Variants in CNTNAP5 observed in about 807,000 individuals in gnomAD.
The protein encoded by CNTNAP5 is contactin-associated protein-like 5.
In CNTNAP5, 72 loss-of-function variants were observed where a neutral mutation model predicts 150.2. The observed-to-expected ratio is 0.48, with a 90% confidence interval of 0.40 to 0.58. The LOEUF is 0.58. Among genes scored for constraint, CNTNAP5 ranks in the 20% least tolerant of loss-of-function variants. The pLI is 0.00. For synonymous variants in CNTNAP5, 672 were observed against 619.8 expected, an observed-to-expected ratio of 1.08 and a Z score of -1.25; for missense variants, 1,636 against 1,626.2, an observed-to-expected ratio of 1.01 and a Z score of -0.10.
chr2:124,115,375 T>A (rs967477327), intron 1 of CNTNAP5, among the ~76,000 whole-genome samples: 1 of 152,154 alleles, frequency 6.6e-6, no homozygotes, highest in Non-Finnish European at 1.5e-5. Context: ...AAACTCAGGG[T>A]ATTGGAAATA....
At chr2:124,815,232 C>G (rs1353119409) in intron 19 of CNTNAP5, among the ~76,000 whole-genome samples, 1 of 152,132 alleles carries the variant, frequency 6.6e-6, no homozygotes, top group South Asian at 2.1e-4. Context: ...TAGCACATAG[C>G]CAAAGGTACT....
intron 6 of CNTNAP5, among the ~76,000 whole-genome samples, chr2:124,452,057 G>T (rs1046638383): frequency 6.6e-6 from 1 of 152,080 alleles, no homozygotes; most frequent in Non-Finnish European, 1.5e-5. Context: ...ACTCAAGGAA[G>T]GGCATGAATC....
intron 10 of CNTNAP5, among the ~76,000 whole-genome samples, chr2:124,527,760 A>G (rs866829101): frequency 4.6e-5 from 7 of 152,356 alleles, no homozygotes; most frequent in Middle Eastern, 6.8e-3. Context: ...AAGTTAAAGC[A>G]AAAAGGAGGA....
At chr2:124,126,340 C>T (rs1044233525) in intron 1 of CNTNAP5, among the ~76,000 whole-genome samples, 2 of 152,140 alleles carry the variant, frequency 1.3e-5, no homozygotes, top group Non-Finnish European at 2.9e-5. Context: ...CACATACACC[C>T]TCCCAAGACT....
At chr2:124,621,497 T>G (rs1677613633) in intron 12 of CNTNAP5, among the ~76,000 whole-genome samples, 1 of 152,226 alleles carries the variant, frequency 6.6e-6, no homozygotes, top group South Asian at 2.1e-4. Context: ...CAGCAGCCTC[T>G]GTTTTCATTA....
At chr2:124,548,528 T>C (rs1695563617) in intron 10 of CNTNAP5, among the ~76,000 whole-genome samples, 1 of 152,186 alleles carries the variant, frequency 6.6e-6, no homozygotes, top group South Asian at 2.1e-4. Flanking sequence ...GCTCCTGTGG[T>C]TGGCAACAGA....
rs191254601 is a variant in CNTNAP5, at chr2:124,298,718, A to G, written c.381+56325A>G. 1.2e-3 allele frequency among the ~76,000 whole-genome samples: 182 copies of G among 152,288 alleles called. 1 individual carries two copies. Among genetic ancestry groups the G allele is most frequent in the Non-Finnish European group, 5.9e-4 (40 of 68,022 alleles). On this transcript the variant is annotated intron_variant, in intron 3 of 23. Coordinates refer to ENST00000682447, the MANE Select transcript of CNTNAP5 (RefSeq NM_001367498.1). ...TCAGACCCCCCAATAAAACTTGTTTAATCCTAAGTGGGTCCTGTTAAGAAT... is the reference window on the plus strand; with the variant it reads ...TCAGACCCCCCAATAAAACTTGTTTGATCCTAAGTGGGTCCTGTTAAGAAT...
chr2:124,192,602 ACCTCTCAGCTTCTGCAT>A (rs1445238045), intron 1 of CNTNAP5, among the ~76,000 whole-genome samples: 1 of 151,852 alleles, frequency 6.6e-6, no homozygotes, highest in Non-Finnish European at 1.5e-5. Context: ...CACACTCTCC[ACCTCTCAGCTTCTGCAT>A]CCTCTCAGCT....
intron 12 of CNTNAP5, among the ~76,000 whole-genome samples, chr2:124,611,520 T>G (rs1425618435): frequency 6.6e-6 from 1 of 152,208 alleles, no homozygotes; most frequent in Non-Finnish European, 1.5e-5. Context: ...CTTTTCATGG[T>G]TGTGGTAACC....
intron 11 of CNTNAP5, among the ~76,000 whole-genome samples, chr2:124,607,107 T>A (rs1677248672): frequency 1.3e-5 from 2 of 152,190 alleles, no homozygotes; most frequent in Admixed American, 1.3e-4. Flanking sequence ...CAATTTATAC[T>A]TCGAGAGTTG....
chr2:124,448,165 G>A (rs1692871172), intron 6 of CNTNAP5, among the ~76,000 whole-genome samples: 1 of 152,022 alleles, frequency 6.6e-6, no homozygotes, highest in Admixed American at 6.6e-5. Context: ...ATACTCAGGA[G>A]GCTGAGGCAG....
intron 17 of CNTNAP5, among the ~76,000 whole-genome samples, chr2:124,773,600 G>A (rs1055387776): frequency 1.3e-5 from 2 of 152,116 alleles, no homozygotes; most frequent in Non-Finnish European, 2.9e-5. Flanking sequence ...GCTGCTGGTG[G>A]GGGCCTGGAA....
intron 3 of CNTNAP5, among the ~76,000 whole-genome samples, chr2:124,271,349 A>T (rs756973408): frequency 1.4e-4 from 21 of 152,132 alleles, no homozygotes; most frequent in Admixed American, 4.6e-4. Flanking sequence ...TGTGGCTGAC[A>T]TTCTGGAGGG....
At chr2:124,825,231 T>C (rs1330506996) in intron 19 of CNTNAP5, among the ~76,000 whole-genome samples, 1 of 152,204 alleles carries the variant, frequency 6.6e-6, no homozygotes, top group Non-Finnish European at 1.5e-5. Context: ...TTACCTTTAA[T>C]AAGGATAACA....
intron 3 of CNTNAP5, among the ~76,000 whole-genome samples, chr2:124,307,142 T>C (rs1212813489): frequency 1.3e-5 from 2 of 152,168 alleles, no homozygotes. Context: ...CTTTCATGAC[T>C]CTGGAGCCTG....
intron 1 of CNTNAP5, among the ~76,000 whole-genome samples, chr2:124,203,934 T>G (rs1431919330): frequency 6.6e-6 from 1 of 152,236 alleles, no homozygotes; most frequent in Non-Finnish European, 1.5e-5. Flanking sequence ...GCCTTGTTAC[T>G]TATGCAAATT....
Position 124,053,847 on chromosome 2 carries a change from A to T in CNTNAP5, c.82+28115A>T, listed in dbSNP as rs146290647. ...GAAAGCATATCTCTACTCAATGTAA[A>T]ACCAGCCCTAGAAATTATAACAAGC... On this transcript the variant is annotated intron_variant, in intron 1 of 23. Transcript: ENST00000682447. 6.6e-5 allele frequency among the ~76,000 whole-genome samples: 10 copies of T among 152,266 alleles called. No homozygotes were observed. In the East Asian group the frequency reaches 1.9e-3, roughly 29 times the overall value.
At chr2:124,664,642 G>T (rs1678660144) in intron 13 of CNTNAP5, among the ~76,000 whole-genome samples, 1 of 152,230 alleles carries the variant, frequency 6.6e-6, no homozygotes, top group Non-Finnish European at 1.5e-5. Context: ...ACAGCACATT[G>T]CCCTGAATGA....
intron 3 of CNTNAP5, among the ~76,000 whole-genome samples, chr2:124,293,277 T>C (rs1688346790): frequency 6.6e-6 from 1 of 152,120 alleles, no homozygotes; most frequent in Non-Finnish European, 1.5e-5. Flanking sequence ...AATGGGTATC[T>C]CTCCCTTTGC....
Sources: allele counts gnomAD v4.1 joint callset (sites outside exome capture counted in the v4.1 genomes callset), GRCh38; gene constraint gnomAD v4.1.1; transcripts MANE v1.5; gene names NCBI Gene and HGNC (gene_info 2026-07-23, HGNC 2026-07-21).